TGFA: variants seen among roughly 807,000 people sequenced by gnomAD.
TGFA encodes transforming growth factor alpha.
A neutral mutation model predicts 21.7 loss-of-function variants in TGFA; 12 were observed. That is an observed-to-expected ratio of 0.55 (90% CI 0.35 to 0.90). The LOEUF (loss-of-function observed/expected upper bound fraction) is 0.90. Among genes scored for constraint, TGFA ranks in the 40% least tolerant of loss-of-function variants. The pLI is 0.01. For synonymous variants in TGFA, 79 were observed against 88.1 expected, an observed-to-expected ratio of 0.90 and a Z score of 0.58; for missense variants, 178 against 210.8, an observed-to-expected ratio of 0.84 and a Z score of 0.96.
Position 70,518,585 on chromosome 2 carries a change from G to A in TGFA, c.41-3673C>T, listed in dbSNP as rs146246995. 1.3e-3 allele frequency among the ~76,000 whole-genome samples: 200 copies of A among 152,254 alleles called. 1 individual carries two copies. The highest frequency in any genetic ancestry group is 2.2e-3 in the Non-Finnish European group (151 of 68,000). On this transcript the variant is annotated intron_variant, in intron 1 of 5. Transcript: ENST00000295400. ...ATGGGAAATGCTCTTAAGAGAGGCT[G>A]GACACCCCTCTCCCCTGGGCCCCAG...
At chr2:70,471,533 G>A (rs1216509731) in intron 2 of TGFA, among the ~76,000 whole-genome samples, 2 of 152,180 alleles carry the variant, frequency 1.3e-5, no homozygotes, top group Non-Finnish European at 2.9e-5. Context: ...TCTCATTTGA[G>A]GGCCTTTAAA....
Position 70,530,913 on chromosome 2 carries a change from A to G in TGFA, c.41-16001T>C, listed in dbSNP as rs997978338. ...TCTCCTCTAGGTTTCTATGCCCTCA[A>G]TGTACCACCTCTGCAGCAATCCCTG... On this transcript the variant is annotated intron_variant, in intron 1 of 5. Coordinates refer to ENST00000295400, the MANE Select transcript of TGFA (RefSeq NM_003236.4). 4.6e-5 allele frequency among the ~76,000 whole-genome samples: 7 copies of G among 152,306 alleles called. No homozygotes were observed. In the South Asian group the frequency reaches 8.3e-4, roughly 18 times the overall value.
intron 3 of TGFA, 127 bp downstream of exon 3, chr2:70,465,489 A>G (rs1273477597): frequency 7.9e-6 from 10 of 1,270,662 alleles, no homozygotes; most frequent in South Asian, 1.6e-5. Context: ...CACTGTTCCA[A>G]TCCTCTGACA....
chr2:70,454,151 A>G (rs1553490112), intron 4 of TGFA, among the ~76,000 whole-genome samples: 2 of 152,204 alleles, frequency 1.3e-5, no homozygotes, highest in African/African-American at 4.8e-5. Flanking sequence ...TAATTTATGT[A>G]TCCCTGGGCT....
At chr2:70,498,507 A>G (rs1671641751) in intron 2 of TGFA, among the ~76,000 whole-genome samples, 1 of 152,218 alleles carries the variant, frequency 6.6e-6, no homozygotes, top group South Asian at 2.1e-4. Context: ...AGAGAAAAAA[A>G]TCAAGACAAG....
chr2:70,486,355 G>A (rs2103771539), intron 2 of TGFA, among the ~76,000 whole-genome samples: 1 of 152,326 alleles, frequency 6.6e-6, no homozygotes, highest in South Asian at 2.1e-4. Context: ...TTGGTTGTAT[G>A]AGACCCCAAC....
chr2:70,453,180 A>C, intron 5 of TGFA, 38 bp downstream of exon 5: 3 of 1,581,170 alleles, frequency 1.9e-6, no homozygotes, highest in Non-Finnish European at 2.6e-6. Context: ...CGTTTTCTCC[A>C]CCCAATAGTG....
intron 2 of TGFA, among the ~76,000 whole-genome samples, chr2:70,471,211 C>T (rs1013010922): frequency 2.6e-5 from 4 of 151,602 alleles, no homozygotes; most frequent in Non-Finnish European, 5.9e-5. Flanking sequence ...CCAGGAAGTT[C>T]AATGTGCACC....
chr2:70,452,873 G>A (rs1464356708), intron 5 of TGFA, among the ~76,000 whole-genome samples: 1 of 152,138 alleles, frequency 6.6e-6, no homozygotes, highest in African/African-American at 2.4e-5. Flanking sequence ...AAACTGGGAG[G>A]TGGAGATTGC....
At chr2:70,534,163 T>G (rs1672904094) in intron 1 of TGFA, among the ~76,000 whole-genome samples, 1 of 152,204 alleles carries the variant, frequency 6.6e-6, no homozygotes, top group African/African-American at 2.4e-5. Context: ...GCAAATGCTA[T>G]TTTTGTTCTC....
At chr2:70,461,704 G>T (rs1331874125) in intron 3 of TGFA, 1 of 152,202 alleles carries the variant, frequency 6.6e-6, no homozygotes, top group Admixed American at 6.5e-5. Context: ...TGGGGAATCT[G>T]CCTCGGGGAA....
chr2:70,511,836 A>T (rs1672109893), intron 2 of TGFA, among the ~76,000 whole-genome samples: 1 of 151,842 alleles, frequency 6.6e-6, no homozygotes, highest in African/African-American at 2.4e-5. Flanking sequence ...TCTTCTGTGG[A>T]TGAAGGTTTC....
chr2:70,539,874 C>A (rs930425553), intron 1 of TGFA, among the ~76,000 whole-genome samples: 1 of 152,156 alleles, frequency 6.6e-6, no homozygotes, highest in African/African-American at 2.4e-5. Flanking sequence ...TGTTCCCGTG[C>A]CAGGTGTGGT....
At chr2:70,532,352 A>T (rs538962120) in intron 1 of TGFA, among the ~76,000 whole-genome samples, 14 of 152,330 alleles carry the variant, frequency 9.2e-5, no homozygotes, top group African/African-American at 3.4e-4. Context: ...TAATGACTTT[A>T]TCTTCACGGC....
At chr2:70,465,855 C>T (rs1670542119) in intron 2 of TGFA, 119 bp from the exon 3 acceptor site, 1 of 1,424,230 alleles carries the variant, frequency 7.0e-7, no homozygotes, top group African/African-American at 1.4e-5. Flanking sequence ...TGGGTTCTCA[C>T]CTGGGGCACA....
intron 3 of TGFA, among the ~76,000 whole-genome samples, chr2:70,457,872 C>G (rs1300159162): frequency 2.6e-5 from 4 of 152,060 alleles, no homozygotes; most frequent in Non-Finnish European, 5.9e-5. Flanking sequence ...CAGAGCAGCC[C>G]CATATCATAT....
intron 2 of TGFA, 41 bp downstream of exon 2, chr2:70,514,817 CT>C (rs1553501373): frequency 1.2e-6 from 2 of 1,608,700 alleles, no homozygotes; most frequent in Admixed American, 3.3e-5. Flanking sequence ...GGCCCGCTCC[CT>C]TCCCACACAC....
chr2:70,495,766 C>T (rs1459918132), intron 2 of TGFA, among the ~76,000 whole-genome samples: 1 of 152,118 alleles, frequency 6.6e-6, no homozygotes, highest in Non-Finnish European at 1.5e-5. Flanking sequence ...CAATGTTGTA[C>T]AGCAGATCAA....
At chr2:70,536,509 C>A (rs909622833) in intron 1 of TGFA, among the ~76,000 whole-genome samples, 2 of 152,068 alleles carry the variant, frequency 1.3e-5, no homozygotes, top group Non-Finnish European at 1.5e-5. Context: ...TGCTCTCAGA[C>A]CACGATGGAA....
Sources: allele counts gnomAD v4.1 joint callset (sites outside exome capture counted in the v4.1 genomes callset), GRCh38; gene constraint gnomAD v4.1.1; transcripts MANE v1.5; gene names NCBI Gene and HGNC (gene_info 2026-07-23, HGNC 2026-07-21).